PLEKHA4: variants seen among roughly 807,000 people sequenced by gnomAD.
PLEKHA4 encodes the protein pleckstrin homology domain containing A4, also known as pleckstrin homology domain-containing family A member 4.
A neutral mutation model predicts 94.7 loss-of-function variants in PLEKHA4; 73 were observed. That is an observed-to-expected ratio of 0.77 (90% CI 0.64 to 0.94). PLEKHA4 has a LOEUF of 0.94. PLEKHA4 is among the 40% of genes least tolerant of loss of function. The pLI is 0.00. For synonymous variants in PLEKHA4, 449 were observed against 437.1 expected (o/e 1.03, Z -0.34); for missense variants, 1,049 against 1,054.1 (o/e 1.00, Z 0.07).
rs1218669063 is a variant in PLEKHA4 at position 48,838,071 on chromosome 19, T to C, written c.2023A>G (p.Ser675Gly). ...TCAGTAGCCAGGGCTTGGGAGAGGC[T>C]GAGAACCCGCTCCCGGTGACCTTCG... ...TSEGHRERVL[S>G]LSQALATEAS... The change falls in exon 19 of 20, where the codon AGC becomes GGC. Residue 675 changes from serine (S) to glycine (G), a missense_variant. Physicochemically the swap from Ser to Gly is moderately conservative, Grantham distance 56. Transcript: ENST00000263265. 6.2e-7 allele frequency: 1 copy of C among 1,611,272 alleles called. No individual in the cohort carries two copies. The highest frequency in any genetic ancestry group is 8.5e-7 in the Non-Finnish European group (1 of 1,179,632).
intron 9 of PLEKHA4, 110 bp from the exon 10 acceptor site, chr19:48,854,374 ATTT>A (rs2036323715): frequency 1.1e-6 from 1 of 931,880 alleles, no homozygotes; most frequent in Non-Finnish European, 1.7e-6. Context: ...CTATTTATTT[ATTT>A]ATTTATTTAG....
rs369201187 is a variant in PLEKHA4, at chr19:48,837,408, G to A, written c.2221C>T (p.Arg741Cys). 7 of 1,613,360 alleles carry A rather than the reference G, an allele frequency of 4.3e-6. No homozygotes were observed. The African/African-American group carries it at 8.0e-5, about 18-fold the overall frequency. The change falls in exon 20 of 20, where the codon CGT becomes TGT. Residue 741 changes from arginine (R) to cysteine (C), a missense_variant. Arg to Cys is a radical substitution (Grantham distance 180, BLOSUM62 -3). Coordinates refer to ENST00000263265, the MANE Select transcript of PLEKHA4 (RefSeq NM_020904.3). The surrounding 1 kb of genome is among the most constrained non-coding windows in gnomAD (Gnocchi z 4.3). ...CCCCAGGGGGTGGGACCTCCTCCAC[G>A]CCCACTCCCTCGGCGAGAGAACCCC... ...STGFSRRGSG[R>C]GGGPTPWGPA...
At chr19:48,850,512 A>C (rs754970460) in intron 13 of PLEKHA4, among the ~76,000 whole-genome samples, 1 of 151,688 alleles carries the variant, frequency 6.6e-6, no homozygotes, top group Non-Finnish European at 1.5e-5. Context: ...CACACACACA[A>C]AAAAAGAAAA....
chr19:48,843,485 C>CT (rs879702341), intron 16 of PLEKHA4, among the ~76,000 whole-genome samples: 145 of 141,788 alleles, frequency 1.0e-3, no homozygotes, highest in East Asian at 8.5e-3. Context: ...GGTCTTTTTT[C>CT]TTTTTTTTTT....
intron 13 of PLEKHA4, 86 bp downstream of exon 13, chr19:48,852,142 T>C: frequency 9.4e-7 from 1 of 1,064,764 alleles, no homozygotes; most frequent in Non-Finnish European, 1.5e-6. Context: ...GCCTCGATTC[T>C]GTGGGCGAAG....
intron 9 of PLEKHA4, among the ~76,000 whole-genome samples, 159 bp from the exon 10 acceptor site, chr19:48,854,423 C>T (rs1045148574): frequency 2.6e-5 from 4 of 152,148 alleles, no homozygotes; most frequent in Admixed American, 6.6e-5. Context: ...AGCTGGTGTG[C>T]AGTCGTGCGA....
Position 48,853,790 on chromosome 19 carries a change from C to T in PLEKHA4, c.1218G>A (p.Leu406=), listed in dbSNP as rs1435826518. ...CCCCAGCCTCCCTGGTGGCTTGGCC[C>T]AGCTGTTGCCGGGTCAACTCCAGAG... ...EAALELTRQQ[L]GQATREAGAP... is the part of the protein sequence containing the mutation. Residue 406 remains leucine, a synonymous_variant, in exon 12 of 20, where the codon CTG becomes CTA. Transcript: ENST00000263265. 3.1e-6 allele frequency: 5 copies of T among 1,613,194 alleles called. No individual in the cohort carries two copies. Among genetic ancestry groups the T allele is most frequent in the Middle Eastern group, 1.7e-4 (1 of 6,058 alleles).
Position 48,867,471 on chromosome 19 carries a change from G to A in PLEKHA4, c.84+66C>T, listed in dbSNP as rs1008282088. On this transcript the variant is annotated intron_variant, in intron 2 of 19. Transcript: ENST00000263265. The surrounding 1 kb of genome is among the most constrained non-coding windows in gnomAD (Gnocchi z 4.7). ...TTGTCCTTAACAACCAGAGTCCTTG[G>A]GGAAACAGAAGGATGGGCGGCCCAG... 1.3e-6 allele frequency: 2 copies of A among 1,518,858 alleles called. No homozygotes were observed. Among genetic ancestry groups the A allele is most frequent in the Non-Finnish European group, 1.8e-6 (2 of 1,121,072 alleles). The allele number at this position is 1,518,858 out of a possible 1,614,324, so 94.1% of individuals were successfully genotyped here.
intron 8 of PLEKHA4, 84 bp downstream of exon 8, chr19:48,858,776 G>A: frequency 6.8e-7 from 1 of 1,476,244 alleles, no homozygotes; most frequent in Non-Finnish European, 9.4e-7. Context: ...TGACACCCAG[G>A]GAGCAATGGC....
In PLEKHA4 at chr19:48,847,996, C is replaced by T. The variant is rs148488396; in HGVS notation, c.1470G>A (p.Thr490=). Residue 490 remains threonine (T), a synonymous_variant, in exon 14 of 20, where the codon ACG becomes ACA. Transcript: ENST00000263265. ...AQQQLWMVED[T]LAGLGGPQKP... Reference sequence around the variant, plus strand: ...TCTGGGGGCCACCCAGACCTGCCAGCGTGTCTTCCACCATCCACAGCTGCT... The same window carrying T: ...TCTGGGGGCCACCCAGACCTGCCAGTGTGTCTTCCACCATCCACAGCTGCT... 6.2e-6 allele frequency: 10 copies of T among 1,613,336 alleles called. No individual in the cohort carries two copies. Among genetic ancestry groups the T allele is most frequent in the Middle Eastern group, 1.6e-4 (1 of 6,078 alleles).
chr19:48,857,498 TG>T lies in PLEKHA4; in HGVS notation c.973-3del. Reference sequence around the variant, plus strand: ...ATAAGTGGGGGAGCCAGAGTGTGCCTGGGAGGAACGTTGAAATGGAGATGTT... The same window carrying T: ...ATAAGTGGGGGAGCCAGAGTGTGCCTGGAGGAACGTTGAAATGGAGATGTT... On this transcript the variant is annotated splice_region_variant and splice_polypyrimidine_tract_variant and intron_variant, in intron 8 of 19. Coordinates refer to ENST00000263265, the MANE Select transcript of PLEKHA4 (RefSeq NM_020904.3). 1 of 1,549,568 alleles carries T rather than the reference TG, an allele frequency of 6.5e-7. No homozygotes were observed. Among genetic ancestry groups the T allele is most frequent in the South Asian group, 1.2e-5 (1 of 85,848 alleles).
intron 10 of PLEKHA4, 43 bp from the exon 11 acceptor site, chr19:48,854,130 C>G: frequency 6.2e-7 from 1 of 1,613,756 alleles, no homozygotes; most frequent in Non-Finnish European, 8.5e-7. Flanking sequence ...CCAGATCTGG[C>G]TCTTCCCCTG....
At chr19:48,842,450 ATGT>A (rs2035806477) in intron 16 of PLEKHA4, among the ~76,000 whole-genome samples, 2 of 152,134 alleles carry the variant, frequency 1.3e-5, no homozygotes, top group Admixed American at 1.3e-4. Flanking sequence ...CGCCCAGCCA[ATGT>A]TGTTAATTTC....
chr19:48,848,089 G>T, intron 13 of PLEKHA4, 49 bp from the exon 14 acceptor site: 1 of 1,587,052 alleles, frequency 6.3e-7, no homozygotes. Context: ...AAACGCAGGA[G>T]GGTTTCAGCT....
rs1229599256 is a variant in PLEKHA4 at position 48,859,020 on chromosome 19, G to A, written c.812C>T (p.Thr271Ile). 1.9e-6 allele frequency: 3 copies of A among 1,571,146 alleles called. No individual in the cohort carries two copies. Among genetic ancestry groups the A allele is most frequent in the South Asian group, 1.2e-5 (1 of 85,692 alleles). The change falls in exon 8 of 20, where the codon ACC (threonine) becomes ATC (isoleucine). Residue 271 changes from threonine to isoleucine, a missense_variant. Coordinates refer to ENST00000263265, the MANE Select transcript of PLEKHA4 (RefSeq NM_020904.3). ...GDTAPPARPH[T>I]PLSRIDVRPP... Reference sequence around the variant, plus strand: ...TCGGACATCAATGCGACTCAACGGGGTGTGAGGTCGGGCAGGGGGTGCTGT... The same window carrying A: ...TCGGACATCAATGCGACTCAACGGGATGTGAGGTCGGGCAGGGGGTGCTGT...
intron 9 of PLEKHA4, 112 bp from the exon 10 acceptor site, chr19:48,854,376 T>A (rs2036323822): frequency 4.3e-6 from 4 of 939,484 alleles, no homozygotes; most frequent in Non-Finnish European, 6.6e-6. Context: ...ATTTATTTAT[T>A]TATTTATTTA....
chr19:48,839,358 T>G (rs2035667197), intron 17 of PLEKHA4, 95 bp from the exon 18 acceptor site: 1 of 790,162 alleles, frequency 1.3e-6, no homozygotes. Context: ...GAGAATGAAA[T>G]TGCCCAAAAA....
intron 9 of PLEKHA4, 144 bp downstream of exon 9, chr19:48,857,278 C>T (rs1343028087): frequency 1.7e-5 from 9 of 540,624 alleles, no homozygotes; most frequent in Admixed American, 1.6e-4. Flanking sequence ...TTTGTTACAG[C>T]CACCACATGA....
intron 13 of PLEKHA4, among the ~76,000 whole-genome samples, chr19:48,849,883 G>A (rs2036113197): frequency 6.6e-6 from 1 of 152,156 alleles, no homozygotes; most frequent in Non-Finnish European, 1.5e-5. Flanking sequence ...TAGAACCAGG[G>A]GAGAGAGCAG....
Sources: gnomAD v4.1 joint callset for allele counts (sites outside exome capture counted in the v4.1 genomes callset) on GRCh38, gnomAD v4.1.1 for gene constraint, Gnocchi (gnomAD v3.1) non-coding constraint, MANE v1.5 for transcripts, NCBI Gene and HGNC (gene_info 2026-07-23, HGNC 2026-07-21) for gene names.